Variants in PDE1C observed in about 807,000 individuals in gnomAD.
PDE1C encodes phosphodiesterase 1C.
A neutral mutation model predicts 93.1 loss-of-function variants in PDE1C; 62 were observed. That is an observed-to-expected ratio of 0.67 (90% confidence interval 0.54 to 0.82). The LOEUF (loss-of-function observed/expected upper bound fraction) is 0.82, where lower values mean the gene tolerates loss of function less well. Ranked by LOEUF, PDE1C falls within the 40% of genes least tolerant of loss-of-function variation. The pLI, the probability that PDE1C is intolerant of heterozygous loss-of-function variation, is 0.00. For synonymous variants in PDE1C, 325 were observed against 310.1 expected (o/e 1.05, Z -0.50); for missense variants, 742 against 884.6 (o/e 0.84, Z 2.04).
At chr7:31,780,275 TTTC>T (rs1327143411) in intron 16 of PDE1C, among the ~76,000 whole-genome samples, 1 of 152,212 alleles carries the variant, frequency 6.6e-6, no homozygotes, top group African/African-American at 2.4e-5. Context: ...GAAGCCTTAC[TTTC>T]TTCTGAAACA....
chr7:32,274,143 T>C (rs1363097134), intron 1 of PDE1C, among the ~76,000 whole-genome samples: 1 of 152,150 alleles, frequency 6.6e-6, no homozygotes. Context: ...GAACATTTCA[T>C]TCAAATGAAA....
rs558466172 is a variant in PDE1C at position 31,825,439 on chromosome 7, T to C, written c.1286-452A>G. 2.0e-5 allele frequency among the ~76,000 whole-genome samples: 3 copies of C among 152,162 alleles called. No individual in the cohort carries two copies. In the East Asian group the frequency reaches 5.8e-4, roughly 30 times the overall value. ...TGGGGACTGACTAGGGAGTAGGGAT[T>C]CTTTTGGATTTGGGGAAGGAAAGCT... On this transcript the variant is annotated intron_variant, in intron 12 of 17. Coordinates refer to ENST00000396191, the MANE Select transcript of PDE1C (RefSeq NM_001191057.4).
chr7:32,400,909 G>A (rs930563938), intron 1 of PDE1C, among the ~76,000 whole-genome samples: 1 of 152,162 alleles, frequency 6.6e-6, no homozygotes, highest in African/African-American at 2.4e-5. Context: ...AAGTCACCCA[G>A]GTGACCTGTG....
At chr7:31,726,461 G>A in the PDE1C span, among the ~76,000 whole-genome samples, 16 of 152,212 alleles carry the variant, frequency 1.1e-4, no homozygotes, top group South Asian at 3.1e-3. Context: ...ATTGGGGGCT[G>A]GCCAGGCATT....
chr7:31,806,587 G>T (rs911636409), intron 16 of PDE1C, among the ~76,000 whole-genome samples: 25 of 151,938 alleles, frequency 1.6e-4, no homozygotes, highest in Admixed American at 1.6e-3. Flanking sequence ...CAGCTGCAAT[G>T]TGTTCATTAT....
At chr7:32,018,842 G>A (rs1406012660) in intron 2 of PDE1C, among the ~76,000 whole-genome samples, 1 of 152,086 alleles carries the variant, frequency 6.6e-6, no homozygotes, top group East Asian at 1.9e-4. Context: ...TCATTAAGAT[G>A]CTTAAAAAAT....
At chr7:32,163,711 G>C (rs1168165090) in intron 3 of PDE1C, among the ~76,000 whole-genome samples, 1 of 152,142 alleles carries the variant, frequency 6.6e-6, no homozygotes, top group Non-Finnish European at 1.5e-5. Context: ...AACTGAGATG[G>C]GCAATGCACT....
intron 2 of PDE1C, among the ~76,000 whole-genome samples, chr7:32,018,793 T>C (rs1584474506): frequency 6.6e-6 from 1 of 152,188 alleles, no homozygotes; most frequent in Non-Finnish European, 1.5e-5. Context: ...CTGAACTGTA[T>C]GCTTTAAATG....
chr7:32,186,592 G>A (rs6958111), intron 2 of PDE1C, among the ~76,000 whole-genome samples: 102,579 of 151,834 alleles, frequency 0.68, 34,952 homozygotes, highest in East Asian at 0.77. Flanking sequence ...TCCTTTCTTT[G>A]CCTTTTTTAT....
At chr7:31,676,001 G>A in the PDE1C span, among the ~76,000 whole-genome samples, 7 of 152,080 alleles carry the variant, frequency 4.6e-5, no homozygotes, top group Non-Finnish European at 8.8e-5. Context: ...CCATCTCCCA[G>A]AGTTGCCTTC....
At chr7:32,315,528 C>A (rs1783150276) in intron 1 of PDE1C, among the ~76,000 whole-genome samples, 1 of 152,170 alleles carries the variant, frequency 6.6e-6, no homozygotes, top group Non-Finnish European at 1.5e-5. Context: ...CATATCCTGA[C>A]TGCACCCTGG....
chr7:31,715,805 T>G, the PDE1C span, among the ~76,000 whole-genome samples: 1 of 152,188 alleles, frequency 6.6e-6, no homozygotes, highest in Non-Finnish European at 1.5e-5. Flanking sequence ...CTTAACAAGC[T>G]GAGGTAAACA....
intron 1 of PDE1C, among the ~76,000 whole-genome samples, chr7:32,243,918 C>A (rs1321039703): frequency 1.3e-5 from 2 of 152,186 alleles, no homozygotes; most frequent in Non-Finnish European, 2.9e-5. Context: ...TGAAGCACAT[C>A]TCAAAAGCCT....
intron 1 of PDE1C, among the ~76,000 whole-genome samples, chr7:32,361,154 G>A (rs2128085301): frequency 6.6e-6 from 1 of 152,212 alleles, no homozygotes; most frequent in African/African-American, 2.4e-5. Flanking sequence ...TGTACAGTTG[G>A]GGAAGCTGGG....
chr7:31,753,317 G>A lies in PDE1C; in HGVS notation c.*67C>T. 1.3e-6 allele frequency: 2 copies of A among 1,560,696 alleles called. No individual in the cohort carries two copies. The highest frequency in any genetic ancestry group is 1.4e-5 in the African/African-American group (1 of 73,780). On this transcript the variant is annotated 3_prime_UTR_variant, in exon 18 of 18. Transcript: ENST00000396191. ...AAGGGTCTTGGAGGTGTGTCCTGCT[G>A]TGGCCAGTGGGTGCTGAGAAGCAGA...
intron 17 of PDE1C, among the ~76,000 whole-genome samples, chr7:31,768,207 T>C (rs1795261110): frequency 6.6e-6 from 1 of 152,162 alleles, no homozygotes; most frequent in Non-Finnish European, 1.5e-5. Flanking sequence ...TTGGCAATGG[T>C]AATTACCTTC....
At chr7:31,637,536 T>C in the PDE1C span, among the ~76,000 whole-genome samples, 10 of 152,242 alleles carry the variant, frequency 6.6e-5, no homozygotes, top group Admixed American at 6.5e-4. Context: ...TAATGTCTTC[T>C]TTTGAGAAGT....
chr7:32,111,410 G>C (rs1257978726), intron 3 of PDE1C, among the ~76,000 whole-genome samples: 1 of 152,162 alleles, frequency 6.6e-6, no homozygotes, highest in Non-Finnish European at 1.5e-5. Context: ...AGGTACAAAG[G>C]ATTGGTTATA....
intron 2 of PDE1C, among the ~76,000 whole-genome samples, chr7:31,969,169 C>T (rs1311371874): frequency 2.6e-5 from 4 of 152,178 alleles, no homozygotes; most frequent in African/African-American, 9.6e-5. Flanking sequence ...TGTGCTTCTG[C>T]ACAGCAAAAT....
Sources: allele counts gnomAD v4.1 joint callset (sites outside exome capture counted in the v4.1 genomes callset), GRCh38; gene constraint gnomAD v4.1.1; transcripts MANE v1.5; gene names NCBI Gene and HGNC (gene_info 2026-07-23, HGNC 2026-07-21).